KIAA1217: variants seen among roughly 807,000 people sequenced by gnomAD.
KIAA1217 encodes KIAA1217, also known as sickle tail protein homolog.
Under a neutral mutation model 163.9 loss-of-function variants are expected in KIAA1217, and 88 were observed. The observed-to-expected ratio is 0.54, with a 90% CI of 0.45 to 0.64. The LOEUF is 0.64. KIAA1217 is among the 30% of genes least tolerant of loss of function. KIAA1217 has a pLI of 0.00. For synonymous variants in KIAA1217, 903 were observed against 923.1 expected, an observed-to-expected ratio of 0.98 and a Z score of 0.39; for missense variants, 2,372 against 2,475.0, an observed-to-expected ratio of 0.96 and a Z score of 0.88.
At chr10:23,805,996 C>CAAAAAAAAAAA (rs71397917) in intron 1 of KIAA1217, among the ~76,000 whole-genome samples, 91 of 30,510 alleles carry the variant, frequency 3.0e-3, no homozygotes, top group African/African-American at 4.5e-3. Context: ...AACTCCATCT[C>CAAAAAAAAAAA]AAAAAAAAAA....
At chr10:23,774,225 C>T (rs75857561) in intron 1 of KIAA1217, among the ~76,000 whole-genome samples, 3,792 of 152,310 alleles carry the variant, frequency 0.025, 93 homozygotes, top group South Asian at 0.081. Flanking sequence ...ATGTGTCTCA[C>T]TTTCCCTGTG....
At chr10:24,329,980 G>A (rs558422640) in intron 2 of KIAA1217, among the ~76,000 whole-genome samples, 1 of 152,236 alleles carries the variant, frequency 6.6e-6, no homozygotes, top group South Asian at 2.1e-4. Flanking sequence ...TTTACCTAAG[G>A]ATTCAAAAGT....
rs1221147010 is a variant in KIAA1217, at chr10:23,790,526, TATATAC to T, written c.-321+95301_-321+95306del. ...GCATATATACATATGTATATATACA[TATATAC>T]ATATACATGTGCATATATACATATG... is the stretch of plus-strand genomic sequence containing the variant. On this transcript the variant is annotated intron_variant, in intron 1 of 18. Transcript: ENST00000376462. Among the ~76,000 whole-genome samples the T allele has an allele frequency of 3.0e-4, 34 of 114,954 alleles. 2 individuals carry two copies. The highest frequency in any genetic ancestry group is 0.01 in the Middle Eastern group (2 of 196). The allele number at this position is 114,954 out of a possible 152,430, so 75.4% of individuals were successfully genotyped here. A position where few individuals can be genotyped will look rare whatever the true frequency, so the allele number is the denominator to read the frequency against.
At chr10:24,428,728 A>G (rs2131694536) in intron 3 of KIAA1217, among the ~76,000 whole-genome samples, 1 of 151,884 alleles carries the variant, frequency 6.6e-6, no homozygotes, top group East Asian at 1.9e-4. Context: ...ACAAACTTAA[A>G]AAAAAAAAAT....
chr10:24,433,669 C>A (rs2059783854), intron 4 of KIAA1217, among the ~76,000 whole-genome samples: 1 of 152,118 alleles, frequency 6.6e-6, no homozygotes, highest in Non-Finnish European at 1.5e-5. Flanking sequence ...GGCAGTACTT[C>A]ATTCATATTG....
intron 1 of KIAA1217, among the ~76,000 whole-genome samples, chr10:23,977,886 T>TTAC (rs1845604494): frequency 6.6e-6 from 1 of 152,130 alleles, no homozygotes; most frequent in Admixed American, 6.6e-5. Flanking sequence ...TCAGGAGTAG[T>TTAC]TACTACCTTT....
chr10:24,272,732 A>G (rs1273391326), intron 2 of KIAA1217, among the ~76,000 whole-genome samples: 2 of 152,198 alleles, frequency 1.3e-5, no homozygotes, highest in African/African-American at 2.4e-5. Context: ...TTCAACAGAG[A>G]TCGGTTTTCA....
intron 1 of KIAA1217, among the ~76,000 whole-genome samples, chr10:23,756,819 A>C (rs1381975804): frequency 6.6e-6 from 1 of 152,246 alleles, no homozygotes; most frequent in Non-Finnish European, 1.5e-5. Context: ...ATTCAGTGGC[A>C]TTAAGTGCAT....
chr10:24,176,768 C>T (rs965411867), intron 2 of KIAA1217, among the ~76,000 whole-genome samples: 15 of 152,220 alleles, frequency 9.9e-5, no homozygotes, highest in East Asian at 3.9e-4. Flanking sequence ...CTAGGCACCG[C>T]GGAGCGGGGG....
Position 24,219,609 on chromosome 10 carries a change from A to T in KIAA1217, c.71-17A>T, listed in dbSNP as rs765164869. On this transcript the variant is annotated splice_polypyrimidine_tract_variant and intron_variant, in intron 1 of 20. Coordinates refer to ENST00000376454, the MANE Select transcript of KIAA1217 (RefSeq NM_019590.5). ...TGTGAAATCATTAATTGTGAACCGA[A>T]TTTTTTTGTCTTTCAGAACAAGGCA... 1 of 1,557,392 alleles carries T rather than the reference A, an allele frequency of 6.4e-7. No individual in the cohort carries two copies. The highest frequency in any genetic ancestry group is 1.2e-5 in the South Asian group (1 of 81,344).
At chr10:24,108,642 G>A (rs2062721991) in intron 2 of KIAA1217, among the ~76,000 whole-genome samples, 1 of 152,142 alleles carries the variant, frequency 6.6e-6, no homozygotes, top group African/African-American at 2.4e-5. Context: ...TGCAATCGAT[G>A]TAATATATCT....
intron 1 of KIAA1217, among the ~76,000 whole-genome samples, chr10:23,876,544 C>A (rs76925091): frequency 0.22 from 33,318 of 151,430 alleles, 3,984 homozygotes; most frequent in African/African-American, 0.31. Context: ...TATATGGTAC[C>A]GTAGTGGATA....
chr10:23,771,443 T>G (rs751621411), intron 1 of KIAA1217, among the ~76,000 whole-genome samples: 5 of 152,250 alleles, frequency 3.3e-5, no homozygotes, highest in Non-Finnish European at 7.3e-5. Context: ...CAAAACATTA[T>G]TTCAATCCAA....
At chr10:24,097,827 G>C (rs757191043) in intron 2 of KIAA1217, among the ~76,000 whole-genome samples, 1 of 152,090 alleles carries the variant, frequency 6.6e-6, no homozygotes, top group African/African-American at 2.4e-5. Flanking sequence ...TAATTTTCTC[G>C]GCAGGTGGTC....
At chr10:23,802,991 G>A (rs1836544657) in intron 1 of KIAA1217, among the ~76,000 whole-genome samples, 1 of 152,142 alleles carries the variant, frequency 6.6e-6, no homozygotes, top group South Asian at 2.1e-4. Flanking sequence ...TGAGGTAGGT[G>A]CTATTATTAT....
intron 1 of KIAA1217, among the ~76,000 whole-genome samples, chr10:23,811,154 G>A (rs1837027543): frequency 1.5e-5 from 2 of 137,240 alleles, no homozygotes; most frequent in African/African-American, 2.7e-5. Flanking sequence ...TATGTATATA[G>A]TATACATGTA....
chr10:24,537,383 C>T (rs1458980477), intron 17 of KIAA1217, among the ~76,000 whole-genome samples: 1 of 152,058 alleles, frequency 6.6e-6, no homozygotes, highest in Non-Finnish European at 1.5e-5. Context: ...CGAGACCAGC[C>T]TGGCCAACAT....
At chr10:23,923,678 T>C (rs1842925764) in intron 1 of KIAA1217, among the ~76,000 whole-genome samples, 1 of 152,114 alleles carries the variant, frequency 6.6e-6, no homozygotes, top group Admixed American at 6.5e-5. Context: ...GGCAAGGAAA[T>C]GGTTTCTCCC....
chr10:24,090,164 C>CT (rs1162687231), intron 2 of KIAA1217, among the ~76,000 whole-genome samples: 3,050 of 109,188 alleles, frequency 0.028, 71 homozygotes, highest in Admixed American at 0.045. Flanking sequence ...TTTTCTTTTT[C>CT]TTTTTTTTTT....
Sources: allele counts gnomAD v4.1 joint callset (sites outside exome capture counted in the v4.1 genomes callset), GRCh38; gene constraint gnomAD v4.1.1; transcripts MANE v1.5; gene names NCBI Gene and HGNC (gene_info 2026-07-23, HGNC 2026-07-21).